TRHDE: variants seen among roughly 807,000 people sequenced by gnomAD.
TRHDE encodes thyrotropin-releasing hormone-degrading ectoenzyme.
In TRHDE, 72 loss-of-function variants were observed where a neutral mutation model predicts 125.7. That is an observed-to-expected ratio of 0.57 (90% CI 0.47 to 0.70). The LOEUF (loss-of-function observed/expected upper bound fraction) is 0.70. Ranked by LOEUF, TRHDE falls within the 30% of genes least tolerant of loss-of-function variation. TRHDE has a pLI of 0.00. For missense variants in TRHDE, 1,110 were observed against 1,327.1 expected (o/e 0.84, Z 2.54); for synonymous variants, 509 against 509.1 (o/e 1.00, Z 0.00).
intron 2 of TRHDE, among the ~76,000 whole-genome samples, chr12:72,155,269 A>C (rs1449839988): frequency 6.6e-6 from 1 of 151,842 alleles, no homozygotes; most frequent in Non-Finnish European, 1.5e-5. Context: ...ACCTCTCTGC[A>C]TTGGTTATTC....
intron 3 of TRHDE, among the ~76,000 whole-genome samples, chr12:72,443,191 CCTGTGTGT>C (rs765469999): frequency 2.7e-5 from 3 of 111,460 alleles, no homozygotes; most frequent in South Asian, 2.7e-4. Context: ...CTACTTCTTT[CCTGTGTGT>C]GTGTGTGTGT....
chr12:72,393,489 A>G (rs1872680795), intron 3 of TRHDE, among the ~76,000 whole-genome samples: 1 of 152,180 alleles, frequency 6.6e-6, no homozygotes, highest in Non-Finnish European at 1.5e-5. Flanking sequence ...GAGTGCATAA[A>G]CAAACAGTGA....
At chr12:72,618,023 T>C (rs555488196) in intron 12 of TRHDE, among the ~76,000 whole-genome samples, 1 of 152,286 alleles carries the variant, frequency 6.6e-6, no homozygotes, top group South Asian at 2.1e-4. Flanking sequence ...AGTGTCACTA[T>C]ATGCCGCAAA....
At chr12:72,535,042 G>T (rs998175311) in intron 6 of TRHDE, among the ~76,000 whole-genome samples, 2 of 151,706 alleles carry the variant, frequency 1.3e-5, no homozygotes, top group African/African-American at 4.8e-5. Flanking sequence ...GGGGGCAGGG[G>T]ACTAACATAA....
chr12:72,623,651 A>G (rs1320418714), intron 15 of TRHDE, among the ~76,000 whole-genome samples: 1 of 152,048 alleles, frequency 6.6e-6, no homozygotes, highest in Non-Finnish European at 1.5e-5. Flanking sequence ...AACACAAAGA[A>G]AGGAAACATT....
At chr12:72,533,725 T>G (rs981907313) in intron 6 of TRHDE, among the ~76,000 whole-genome samples, 13 of 70,924 alleles carry the variant, frequency 1.8e-4, no homozygotes, top group African/African-American at 5.0e-4. Context: ...TTCTATTTGT[T>G]TTTTTTTTTT....
intron 2 of TRHDE, among the ~76,000 whole-genome samples, chr12:72,364,741 G>A (rs761598816): frequency 6.6e-6 from 1 of 152,056 alleles, no homozygotes; most frequent in Non-Finnish European, 1.5e-5. Flanking sequence ...TCAAAGTGAG[G>A]TCAGCAGGCA....
intron 3 of TRHDE, among the ~76,000 whole-genome samples, chr12:72,403,925 T>C (rs889895687): frequency 6.6e-6 from 1 of 152,092 alleles, no homozygotes; most frequent in Non-Finnish European, 1.5e-5. Context: ...ATTTTGACTA[T>C]GGATAGGAAG....
intron 2 of TRHDE, among the ~76,000 whole-genome samples, chr12:72,159,135 C>G (rs891767328): frequency 6.6e-5 from 10 of 152,134 alleles, no homozygotes; most frequent in African/African-American, 2.4e-4. Flanking sequence ...GTAACATGTA[C>G]CAATCACTAG....
intron 2 of TRHDE, among the ~76,000 whole-genome samples, chr12:72,131,481 T>A (rs537907663): frequency 1.2e-4 from 18 of 152,282 alleles, no homozygotes; most frequent in Middle Eastern, 3.4e-3. Flanking sequence ...TAGATTTTTT[T>A]AAAATTATCC....
intron 2 of TRHDE, among the ~76,000 whole-genome samples, chr12:72,108,593 A>T (rs1875242726): frequency 6.6e-6 from 1 of 152,166 alleles, no homozygotes; most frequent in Non-Finnish European, 1.5e-5. Flanking sequence ...GAGGGCAATT[A>T]TGGTAATTTG....
intron 2 of TRHDE, among the ~76,000 whole-genome samples, chr12:72,110,502 T>C (rs1875291995): frequency 6.6e-6 from 1 of 152,166 alleles, no homozygotes; most frequent in Non-Finnish European, 1.5e-5. Context: ...TATGGTTTAT[T>C]AGAGTTTTCT....
intron 6 of TRHDE, among the ~76,000 whole-genome samples, chr12:72,523,130 G>A (rs572200445): frequency 1.3e-5 from 2 of 151,902 alleles, no homozygotes; most frequent in Non-Finnish European, 2.9e-5. Flanking sequence ...GAAACTTGTC[G>A]CAAGTAAAAT....
intron 1 of TRHDE, among the ~76,000 whole-genome samples, chr12:72,093,067 G>C (rs891720128): frequency 6.6e-6 from 1 of 152,172 alleles, no homozygotes; most frequent in African/African-American, 2.4e-5. Context: ...ATTCTGAGGT[G>C]CTTGATACTT....
intron 12 of TRHDE, among the ~76,000 whole-genome samples, chr12:72,589,627 G>A (rs1156574478): frequency 6.6e-6 from 1 of 152,000 alleles, no homozygotes. Context: ...TTCAAATTTT[G>A]TTTCTTCTTG....
intron 2 of TRHDE, among the ~76,000 whole-genome samples, chr12:72,130,539 A>G (rs926693565): frequency 1.3e-5 from 2 of 152,204 alleles, no homozygotes; most frequent in Non-Finnish European, 2.9e-5. Context: ...AAAATATAGG[A>G]GAATATCTTC....
chr12:72,641,590 GACTA>G (rs1370882643), intron 15 of TRHDE, among the ~76,000 whole-genome samples: 2 of 151,970 alleles, frequency 1.3e-5, no homozygotes, highest in African/African-American at 4.8e-5. Flanking sequence ...TTTATTATAT[GACTA>G]ATTATTAATC....
chr12:72,462,384 C>A (rs187356587), intron 3 of TRHDE, among the ~76,000 whole-genome samples: 9 of 152,100 alleles, frequency 5.9e-5, no homozygotes, highest in Non-Finnish European at 1.3e-4. Flanking sequence ...TTAGAAGAGC[C>A]GCAGAGCTCT....
intron 12 of TRHDE, among the ~76,000 whole-genome samples, chr12:72,601,831 T>G (rs1872218738): frequency 6.6e-6 from 1 of 152,172 alleles, no homozygotes; most frequent in South Asian, 2.1e-4. Flanking sequence ...AAATGTAATT[T>G]TTATATACAC....
Sources: allele counts gnomAD v4.1 joint callset (sites outside exome capture counted in the v4.1 genomes callset), GRCh38; gene constraint gnomAD v4.1.1; transcripts MANE v1.5; gene names NCBI Gene and HGNC (gene_info 2026-07-23, HGNC 2026-07-21).